The following CNOT2 variants were observed in gnomAD, a reference collection of about 807,000 sequenced individuals.
CNOT2 encodes CCR4-NOT transcription complex subunit 2.
Under a neutral mutation model 72.1 loss-of-function variants are expected in CNOT2, and 7 were observed. That is an observed-to-expected ratio of 0.10 (90% CI 0.06 to 0.18). CNOT2 has a LOEUF of 0.18. CNOT2 is among the 10% of genes least tolerant of loss of function. The probability of loss-of-function intolerance (pLI) is 1.00; values close to 1 mark genes in which losing one functional copy is unlikely to be tolerated. For synonymous variants in CNOT2, 196 were observed against 225.6 expected (o/e 0.87, Z 1.17); for missense variants, 345 against 660.3 (o/e 0.52, Z 5.23).
intron 13 of CNOT2, among the ~76,000 whole-genome samples, chr12:70,343,231 T>TTGGGGC (rs1487941998): frequency 1.3e-5 from 2 of 152,194 alleles, no homozygotes; most frequent in Non-Finnish European, 2.9e-5. Flanking sequence ...ATTTGTCACA[T>TTGGGGC]TGGGGCTGCT....
At chr12:70,312,585 C>T (rs7978059) in intron 3 of CNOT2, among the ~76,000 whole-genome samples, 106,632 of 151,690 alleles carry the variant, frequency 0.7, 37,808 homozygotes, top group East Asian at 0.94. Flanking sequence ...TCTGATCCAG[C>T]TGGTTGGCAC....
chr12:70,262,258 C>G (rs1958805942), intron 1 of CNOT2, among the ~76,000 whole-genome samples: 1 of 151,952 alleles, frequency 6.6e-6, no homozygotes, highest in African/African-American at 2.4e-5. Context: ...GTTTGCTCAT[C>G]TTTTTCTAGG....
In CNOT2 at chr12:70,286,607, G is replaced by C. The variant is rs143285321; in HGVS notation, c.48+8333G>C. On this transcript the variant is annotated intron_variant, in intron 2 of 15. Transcript: ENST00000229195. ...CTCTGTTACCTTGATGTGTTTGTCT[G>C]TGCCTATACCAATATCATGTTTTCT... 2.0e-5 allele frequency among the ~76,000 whole-genome samples: 3 copies of C among 149,896 alleles called. 1 individual carries two copies. The highest frequency in any genetic ancestry group is 7.3e-5 in the African/African-American group (3 of 41,284).
chr12:70,342,499 A>G, intron 13 of CNOT2, 192 bp downstream of exon 13: 1 of 613,612 alleles, frequency 1.6e-6, no homozygotes, highest in Non-Finnish European at 2.7e-6. Flanking sequence ...ACATTTAACA[A>G]CAGGTTACAA....
intron 1 of CNOT2, among the ~76,000 whole-genome samples, chr12:70,272,649 T>C (rs1868273047): frequency 6.6e-6 from 1 of 152,204 alleles, no homozygotes; most frequent in Non-Finnish European, 1.5e-5. Context: ...CTACCTATAC[T>C]GTTCCTGCAT....
intron 1 of CNOT2, among the ~76,000 whole-genome samples, chr12:70,262,476 C>T (rs1417293658): frequency 2.6e-5 from 4 of 152,008 alleles, no homozygotes; most frequent in Admixed American, 1.3e-4. Context: ...GGGGTTTCAC[C>T]GTGTTAGCCA....
In CNOT2 at chr12:70,279,809, GAA is replaced by G. The variant is rs1204365185; in HGVS notation, c.48+1538_48+1539del. Reference sequence around the variant, plus strand: ...AATTCCAAAATTTATACTTAAGAAAGAAAACAGAATTATGTTTTATACATGAA... The same window carrying G: ...AATTCCAAAATTTATACTTAAGAAAGAACAGAATTATGTTTTATACATGAA... On this transcript the variant is annotated intron_variant, in intron 2 of 15. Coordinates refer to ENST00000229195, the MANE Select transcript of CNOT2 (RefSeq NM_014515.7). Among the ~76,000 whole-genome samples, 7 of 152,228 alleles carry G rather than the reference GAA, an allele frequency of 4.6e-5. No individual in the cohort carries two copies. The East Asian group carries it at 1.4e-3, about 29-fold the overall frequency.
At chr12:70,314,415 T>C (rs892943213) in intron 3 of CNOT2, among the ~76,000 whole-genome samples, 1 of 151,926 alleles carries the variant, frequency 6.6e-6, no homozygotes, top group African/African-American at 2.4e-5. Context: ...AGTGGGAGAA[T>C]AGTTAGTGTT....
At chr12:70,302,719 A>C (rs1231403106) in intron 2 of CNOT2, among the ~76,000 whole-genome samples, 1,128 of 106,506 alleles carry the variant, frequency 0.011, no homozygotes, top group East Asian at 0.037. Flanking sequence ...AGTTCTGTAG[A>C]TGTCTATTAG....
At chr12:70,291,091 A>G (rs1048966681) in intron 2 of CNOT2, among the ~76,000 whole-genome samples, 1 of 152,204 alleles carries the variant, frequency 6.6e-6, no homozygotes, top group Non-Finnish European at 1.5e-5. Flanking sequence ...TAACTTAAAA[A>G]TTGGACTGTT....
chr12:70,323,290 A>G (rs976244842), intron 4 of CNOT2: 3 of 151,634 alleles, frequency 2.0e-5, no homozygotes, highest in African/African-American at 7.3e-5. Context: ...GCATGTCCTC[A>G]TTGCCTTTGT....
intron 7 of CNOT2, chr12:70,334,320 T>TA (rs1182117540): frequency 6.6e-6 from 1 of 152,082 alleles, no homozygotes; most frequent in Non-Finnish European, 1.5e-5. Flanking sequence ...AATAAATTTA[T>TA]AAACTGCAGT....
chr12:70,302,166 CT>C (rs1344607559), intron 2 of CNOT2, among the ~76,000 whole-genome samples: 1 of 152,130 alleles, frequency 6.6e-6, no homozygotes, highest in African/African-American at 2.4e-5. Flanking sequence ...AAAAAACCAG[CT>C]CCTGGATTCA....
chr12:70,256,212 A>T (rs543281767), intron 1 of CNOT2, among the ~76,000 whole-genome samples: 19 of 152,308 alleles, frequency 1.2e-4, no homozygotes, highest in Non-Finnish European at 2.5e-4. Flanking sequence ...TATCAAGACA[A>T]GGCAAAGATA....
At chr12:70,273,332 G>A (rs1868318257) in intron 1 of CNOT2, among the ~76,000 whole-genome samples, 1 of 151,760 alleles carries the variant, frequency 6.6e-6, no homozygotes, top group South Asian at 2.1e-4. Context: ...TTAGTCAACA[G>A]CATTTTGAAA....
At chr12:70,270,832 A>G (rs1959197398) in intron 1 of CNOT2, among the ~76,000 whole-genome samples, 1 of 152,204 alleles carries the variant, frequency 6.6e-6, no homozygotes, top group Non-Finnish European at 1.5e-5. Flanking sequence ...TTTTTACTTT[A>G]AATGTGATCT....
At chr12:70,313,955 A>C (rs905193200) in intron 3 of CNOT2, among the ~76,000 whole-genome samples, 1 of 152,132 alleles carries the variant, frequency 6.6e-6, no homozygotes, top group Admixed American at 6.5e-5. Context: ...ACTACAACAT[A>C]ATTGAATTGC....
At chr12:70,253,673 C>T (rs1958267111) in intron 1 of CNOT2, among the ~76,000 whole-genome samples, 1 of 152,138 alleles carries the variant, frequency 6.6e-6, no homozygotes, top group Non-Finnish European at 1.5e-5. Context: ...CCCAGTGTTG[C>T]TGATGGCAAC....
At chr12:70,249,995 A>T (rs942223814) in intron 1 of CNOT2, among the ~76,000 whole-genome samples, 8 of 152,094 alleles carry the variant, frequency 5.3e-5, no homozygotes, top group African/African-American at 1.9e-4. Context: ...TGCTTATGAG[A>T]AATTCTAGGT....
Sources: allele counts gnomAD v4.1 joint callset (sites outside exome capture counted in the v4.1 genomes callset), GRCh38; gene constraint gnomAD v4.1.1; transcripts MANE v1.5; gene names NCBI Gene and HGNC (gene_info 2026-07-23, HGNC 2026-07-21).